ART3: variants seen among roughly 807,000 people sequenced by gnomAD.
ART3 encodes the protein ecto-ADP-ribosyltransferase 3.
ART3 carries 49 observed loss-of-function variants against 48.5 expected under a neutral mutation model. That is an observed-to-expected ratio of 1.01 (90% confidence interval 0.80 to 1.28). The LOEUF is 1.28. Among genes scored for constraint, ART3 ranks in the 50% most tolerant of loss-of-function variants. The pLI, the probability that ART3 is intolerant of heterozygous loss-of-function variation, is 0.00. For synonymous variants in ART3, 145 were observed against 157.2 expected, an observed-to-expected ratio of 0.92 and a Z score of 0.58; for missense variants, 438 against 454.3, an observed-to-expected ratio of 0.96 and a Z score of 0.33.
intron 1 of ART3, chr4:76,035,013 C>T: frequency 6.4e-7 from 1 of 1,564,038 alleles, no homozygotes; most frequent in Non-Finnish European, 8.8e-7. Flanking sequence ...TTGGATAAAA[C>T]AGATTATAAC....
chr4:76,017,591 G>T (rs937749425), intron 1 of ART3, among the ~76,000 whole-genome samples: 3 of 152,012 alleles, frequency 2.0e-5, no homozygotes, highest in African/African-American at 7.2e-5. Context: ...GTCTCATTAG[G>T]TCATGTTCCC....
intron 1 of ART3, among the ~76,000 whole-genome samples, chr4:76,011,802 G>A (rs1731824904): frequency 6.6e-6 from 1 of 152,220 alleles, no homozygotes; most frequent in African/African-American, 2.4e-5. Context: ...CCAGACACTA[G>A]TTTCCTGGGC....
intron 2 of ART3, 93 bp downstream of exon 2, chr4:76,076,051 C>G: frequency 6.9e-6 from 8 of 1,164,372 alleles, no homozygotes; most frequent in Non-Finnish European, 9.8e-6. Context: ...GCCCAGACTG[C>G]TGGAGTGCAG....
chr4:76,084,982 G>A (rs1260456679), intron 3 of ART3, among the ~76,000 whole-genome samples: 1 of 152,206 alleles, frequency 6.6e-6, no homozygotes, highest in Non-Finnish European at 1.5e-5. Context: ...CTAAGCTAGA[G>A]AGGCTCCTAC....
intron 4 of ART3, among the ~76,000 whole-genome samples, chr4:76,098,211 A>C (rs1012496079): frequency 6.6e-6 from 1 of 152,114 alleles, no homozygotes; most frequent in African/African-American, 2.4e-5. Context: ...AAAAAAAAAA[A>C]AAAAAATCTT....
exon 1 of ART3, chr4:76,011,241 CTGCTCGTGT>C (rs2149345390): frequency 6.5e-6 from 1 of 152,778 alleles, no homozygotes; most frequent in Non-Finnish European, 1.5e-5. Context: ...CTCGCTCGTG[CTGCTCGTGT>C]TGCCGCTGGG....
chr4:76,077,949 T>G (rs547693107), intron 2 of ART3, among the ~76,000 whole-genome samples: 35 of 152,352 alleles, frequency 2.3e-4, no homozygotes, highest in African/African-American at 8.2e-4. Flanking sequence ...AATATACTCT[T>G]GCAACATAAT....
intron 1 of ART3, chr4:76,012,194 C>G (rs943768816): frequency 7.9e-5 from 12 of 152,170 alleles, no homozygotes; most frequent in African/African-American, 2.9e-4. Flanking sequence ...GTTGTGGAAT[C>G]GAGGTGTTCT....
At chr4:76,106,387 C>CAGTT in intron 10 of ART3, 1 of 981,690 alleles carries the variant, frequency 1.0e-6, no homozygotes, top group African/African-American at 1.7e-5. Flanking sequence ...GGTGGCTTGC[C>CAGTT]AGTTAGGACA....
chr4:76,016,335 G>A (rs776511446), intron 1 of ART3, among the ~76,000 whole-genome samples: 59 of 152,264 alleles, frequency 3.9e-4, no homozygotes, highest in Non-Finnish European at 6.3e-4. Context: ...AAGAGATACC[G>A]CCTTGGTCTT....
At chr4:76,035,870 ACATTTGAAACATTAGAAAAGG>A in intron 1 of ART3, 1 of 1,441,594 alleles carries the variant, frequency 6.9e-7, no homozygotes, top group Non-Finnish European at 9.6e-7. Context: ...GGAAGAAAAG[ACATTTGAAACATTAGAAAAGG>A]AACTTATAGG....
upstream of ART3, among the ~76,000 whole-genome samples, chr4:76,071,640 C>T (rs2149505826): frequency 6.6e-6 from 1 of 152,298 alleles, no homozygotes; most frequent in East Asian, 1.9e-4. Context: ...GTTCTCAGTC[C>T]TCATCTTACT....
At chr4:76,039,317 C>T (rs1304189516) in intron 1 of ART3, among the ~76,000 whole-genome samples, 1 of 152,156 alleles carries the variant, frequency 6.6e-6, no homozygotes, top group African/African-American at 2.4e-5. Flanking sequence ...CCAGGCTGGT[C>T]TCAGACCCCT....
intron 1 of ART3, chr4:76,012,214 T>C (rs1731867779): frequency 6.6e-6 from 1 of 152,212 alleles, no homozygotes; most frequent in Non-Finnish European, 1.5e-5. Flanking sequence ...TGTTTAATTA[T>C]CCAGTGTGAC....
chr4:76,108,812 T>C (rs1728947525), intron 11 of ART3, among the ~76,000 whole-genome samples: 1 of 152,214 alleles, frequency 6.6e-6, no homozygotes, highest in Non-Finnish European at 1.5e-5. Flanking sequence ...GCTATAAACC[T>C]TTACAGCATG....
chr4:76,037,016 C>G (rs887458950), intron 1 of ART3: 3 of 178,460 alleles, frequency 1.7e-5, no homozygotes, highest in African/African-American at 7.2e-5. Context: ...TTCTTGGTCA[C>G]CTTGTGGCCC....
chr4:76,094,822 T>C (rs369335383), intron 3 of ART3, among the ~76,000 whole-genome samples: 6 of 152,338 alleles, frequency 3.9e-5, no homozygotes, highest in African/African-American at 1.4e-4. Context: ...GTGCCACTCC[T>C]TTCTCTCTGG....
In ART3 at chr4:76,029,184, A is replaced by G. The variant is rs181510435; in HGVS notation, c.-10+17864A>G. On this transcript the variant is annotated intron_variant, in intron 1 of 9. Transcript: ENST00000341029. ...GAGAAGAGGAATCTTGAGATATGAT[A>G]TAGTTCAGTAGTGCCTGTTATTCCA... 2.6e-5 allele frequency among the ~76,000 whole-genome samples: 4 copies of G among 152,358 alleles called. No homozygotes were observed. The East Asian group carries it at 7.7e-4, about 29-fold the overall frequency.
intron 6 of ART3, among the ~76,000 whole-genome samples, 166 bp from the exon 7 acceptor site, chr4:76,100,629 C>CA (rs71659303): frequency 0.043 from 3,774 of 87,876 alleles, 147 homozygotes; most frequent in African/African-American, 0.13. Context: ...GGCTCCGTCT[C>CA]AAAAAAAAAA....
Sources: gnomAD v4.1 joint callset for allele counts (sites outside exome capture counted in the v4.1 genomes callset) on GRCh38, gnomAD v4.1.1 for gene constraint, MANE v1.5 for transcripts, NCBI Gene and HGNC (gene_info 2026-07-23, HGNC 2026-07-21) for gene names.